Variants in ANAPC1 observed in about 807,000 individuals in gnomAD.
ANAPC1 encodes anaphase promoting complex subunit 1.
A neutral mutation model predicts 208.0 loss-of-function variants in ANAPC1; 36 were observed. The observed-to-expected ratio is 0.17, with a 90% CI of 0.13 to 0.23. The LOEUF is 0.23. ANAPC1 is among the 10% of genes least tolerant of loss of function. The probability of loss-of-function intolerance (pLI) is 1.00; values close to 1 mark genes in which losing one functional copy is unlikely to be tolerated. For synonymous variants in ANAPC1, 378 were observed against 695.2 expected, an observed-to-expected ratio of 0.54 and a Z score of 7.18; for missense variants, 942 against 2,011.6, an observed-to-expected ratio of 0.47 and a Z score of 10.17.
intron 29 of ANAPC1, among the ~76,000 whole-genome samples, chr2:111,806,170 C>G (rs1037430858): frequency 7.4e-6 from 1 of 135,056 alleles, no homozygotes. Flanking sequence ...AAAAAATTAC[C>G]AAGTAGTAGA....
chr2:111,848,188 A>G (rs1681195822), intron 14 of ANAPC1, among the ~76,000 whole-genome samples: 1 of 152,166 alleles, frequency 6.6e-6, no homozygotes, highest in African/African-American at 2.4e-5. Flanking sequence ...GTACCAGCAA[A>G]CCAAGGTCCT....
At chr2:111,834,210 G>T (rs1680339683) in intron 19 of ANAPC1, among the ~76,000 whole-genome samples, 1 of 152,200 alleles carries the variant, frequency 6.6e-6, no homozygotes. Flanking sequence ...AACTTACCTT[G>T]TTTGAGACTT....
intron 46 of ANAPC1, among the ~76,000 whole-genome samples, chr2:111,774,347 G>A (rs939878246): frequency 1.3e-5 from 1 of 79,868 alleles, no homozygotes; most frequent in Admixed American, 1.5e-4. Context: ...TAGAGATGGA[G>A]TGAGATGAAA....
rs1292600790 is a variant in ANAPC1, at chr2:111,767,815, G to A, written c.*1476C>T. On this transcript the variant is annotated 3_prime_UTR_variant, in exon 48 of 48. Coordinates refer to ENST00000341068, the MANE Select transcript of ANAPC1 (RefSeq NM_022662.4). ...GAAGAAAACTATGTAACTGTGAAGAGAAGCACATTTCAGCCTCTCAGTCAG... is the reference window on the plus strand; with the variant it reads ...GAAGAAAACTATGTAACTGTGAAGAAAAGCACATTTCAGCCTCTCAGTCAG... 1 of 152,140 alleles carries A rather than the reference G, an allele frequency of 6.6e-6. No individual in the cohort carries two copies. The allele number at this position is 152,140 out of a possible 1,614,324, so 9.4% of individuals were successfully genotyped here.
intron 13 of ANAPC1, among the ~76,000 whole-genome samples, chr2:111,852,824 C>T (rs1043790658): frequency 2.0e-5 from 3 of 151,414 alleles, no homozygotes; most frequent in African/African-American, 7.3e-5. Context: ...TGAACTCCTA[C>T]ATAAAAAGTT....
rs779489045 is a variant in ANAPC1, at chr2:111,863,860, C to T, written c.867G>A (p.Gly289=). 8.7e-6 allele frequency: 14 copies of T among 1,613,308 alleles called. No homozygotes were observed. Among genetic ancestry groups the T allele is most frequent in the African/African-American group, 1.3e-5 (1 of 74,850 alleles). The part of the protein sequence containing the change: ...ENVVLKFSEQ[G]GTPQNVATSS... The stretch of plus-strand genomic sequence containing the variant: ...TAGTGGCCACATTCTGTGGGGTTCC[C>T]CCCTGTTCAGAGAACTTTAAAACAA... The change falls in exon 9 of 48, where the codon GGG becomes GGA. Residue 289 remains glycine, a synonymous_variant. Transcript: ENST00000341068.
intron 11 of ANAPC1, among the ~76,000 whole-genome samples, chr2:111,858,094 T>C (rs1681835131): frequency 6.6e-6 from 1 of 152,046 alleles, no homozygotes; most frequent in Non-Finnish European, 1.5e-5. Flanking sequence ...TATGGTGATA[T>C]AAATCTTGTA....
rs867374894 is a variant in ANAPC1 at position 111,873,221 on chromosome 2, C to T, written c.528+87G>A. ...AATAACATTTTTGACTACTACGAAA[C>T]ATGAGACATAAGACATGCCTCTAAA... On this transcript the variant is annotated intron_variant, in intron 5 of 47. Transcript: ENST00000341068. The T allele has an allele frequency of 8.4e-5, 105 of 1,246,314 alleles. No individual in the cohort carries two copies. In the Middle Eastern group the frequency reaches 3.0e-3, roughly 35 times the overall value. 77.2% of individuals were successfully genotyped at this position (1,246,314 alleles called of 1,614,324 possible).
intron 6 of ANAPC1, among the ~76,000 whole-genome samples, chr2:111,872,337 C>G (rs1682797608): frequency 6.6e-6 from 1 of 152,144 alleles, no homozygotes; most frequent in Non-Finnish European, 1.5e-5. Context: ...CCCACTTGAT[C>G]ATGACATATC....
chr2:111,791,062 G>T (rs1677848842), intron 38 of ANAPC1, among the ~76,000 whole-genome samples: 1 of 152,166 alleles, frequency 6.6e-6, no homozygotes, highest in Non-Finnish European at 1.5e-5. Context: ...TATGTTATGT[G>T]TATTTTACCA....
chr2:111,766,945 G>T (rs573764263), downstream of ANAPC1: 1 of 470,702 alleles, frequency 2.1e-6, no homozygotes, highest in East Asian at 7.0e-5. Context: ...GGCACACGGC[G>T]AGGTTCTGTA....
intron 14 of ANAPC1, among the ~76,000 whole-genome samples, chr2:111,849,340 T>C (rs1453923923): frequency 2.6e-5 from 4 of 151,888 alleles, no homozygotes. Context: ...ATAAAAGAAA[T>C]TCTTCCAAAT....
chr2:111,842,412 G>C (rs1180548291), intron 17 of ANAPC1, among the ~76,000 whole-genome samples: 2 of 152,022 alleles, frequency 1.3e-5, no homozygotes, highest in Non-Finnish European at 2.9e-5. Context: ...GGGAGGCTGA[G>C]ACGGGCAGAT....
rs576856344 is a variant in ANAPC1 at position 111,806,823 on chromosome 2, T to C, written c.3833-930A>G. On this transcript the variant is annotated intron_variant, in intron 29 of 47. Coordinates refer to ENST00000341068, the MANE Select transcript of ANAPC1 (RefSeq NM_022662.4). ...GTGTTGAAAACGATAAAATGTACTA[T>C]GTATTAAAACCCTTCCCTCTGAAAA... 3.9e-5 allele frequency among the ~76,000 whole-genome samples: 6 copies of C among 151,990 alleles called. No homozygotes were observed. The South Asian group carries it at 1.2e-3, about 32-fold the overall frequency.
intron 18 of ANAPC1, among the ~76,000 whole-genome samples, chr2:111,835,345 T>C (rs111558754): frequency 0.048 from 7,321 of 152,276 alleles, 554 homozygotes; most frequent in African/African-American, 0.16. Flanking sequence ...CTGATTTTTA[T>C]ATTCAGACTG....
chr2:111,831,715 C>A (rs890748477), intron 20 of ANAPC1, among the ~76,000 whole-genome samples: 2 of 150,484 alleles, frequency 1.3e-5, no homozygotes, highest in Non-Finnish European at 3.0e-5. Context: ...GTGGTGCGCA[C>A]CCGTAGTCCC....
chr2:111,855,015 T>C (rs1386464072), intron 13 of ANAPC1, among the ~76,000 whole-genome samples: 1 of 152,202 alleles, frequency 6.6e-6, no homozygotes, highest in African/African-American at 2.4e-5. Flanking sequence ...AGCTTAATCA[T>C]TTCTAGTTTT....
intron 13 of ANAPC1, among the ~76,000 whole-genome samples, chr2:111,853,723 C>CT (rs1170135178): frequency 9.7e-4 from 142 of 146,100 alleles, no homozygotes; most frequent in East Asian, 6.4e-3. Context: ...CAGAAGGTTT[C>CT]TTTTTTTTTT....
intron 43 of ANAPC1, among the ~76,000 whole-genome samples, chr2:111,781,320 T>C (rs1677258307): frequency 6.7e-6 from 1 of 150,022 alleles, no homozygotes; most frequent in Admixed American, 6.7e-5. Context: ...CTCTAATTTT[T>C]AGAAGAAGCA....
Sources: gnomAD v4.1 joint callset for allele counts (sites outside exome capture counted in the v4.1 genomes callset) on GRCh38, gnomAD v4.1.1 for gene constraint, MANE v1.5 for transcripts, NCBI Gene and HGNC (gene_info 2026-07-23, HGNC 2026-07-21) for gene names.